CRTC3: variants seen among roughly 807,000 people sequenced by gnomAD.
CRTC3 encodes the protein CREB regulated transcription coactivator 3.
In CRTC3, 26 loss-of-function variants were observed where a neutral mutation model predicts 74.5. The ratio of observed to expected loss-of-function variants is 0.35; its 90% CI spans 0.26 to 0.48. CRTC3 has a LOEUF of 0.48. Among genes scored for constraint, CRTC3 ranks in the 20% least tolerant of loss-of-function variants. The probability of loss-of-function intolerance (pLI) is 0.99; values close to 1 mark genes in which losing one functional copy is unlikely to be tolerated. For synonymous variants in CRTC3, 377 were observed against 325.8 expected (o/e 1.16, Z -1.69); for missense variants, 760 against 787.3 (o/e 0.97, Z 0.41).
chr15:90,588,856 ATCCC>A (rs1241469266), intron 2 of CRTC3, among the ~76,000 whole-genome samples: 5 of 152,180 alleles, frequency 3.3e-5, no homozygotes, highest in African/African-American at 1.2e-4. Flanking sequence ...ATGTCCGGGT[ATCCC>A]TGGGACAAGC....
At chr15:90,595,789 G>T (rs1967909431) in intron 3 of CRTC3, 1 of 152,192 alleles carries the variant, frequency 6.6e-6, no homozygotes. Context: ...AGAGGAGAAT[G>T]TTTATTCACT....
intron 3 of CRTC3, chr15:90,594,717 T>A (rs2151078393): frequency 6.6e-6 from 1 of 151,266 alleles, no homozygotes; most frequent in Non-Finnish European, 1.5e-5. Context: ...ACTGAGTCGT[T>A]AATTTTTTTA....
At chr15:90,551,795 G>GT (rs1257624283) in intron 2 of CRTC3, among the ~76,000 whole-genome samples, 2 of 152,260 alleles carry the variant, frequency 1.3e-5, no homozygotes, top group African/African-American at 4.8e-5. Context: ...ACTGCTCTGA[G>GT]TACAAGCATT....
At position 90,642,001 on chromosome 15, in the gene CRTC3, A is replaced by T. The variant is rs1969463962; in HGVS notation, c.1721A>T (p.Asn574Ile). The T allele has an allele frequency of 2.0e-5, 32 of 1,613,780 alleles. No individual in the cohort carries two copies. Among genetic ancestry groups the T allele is most frequent in the Non-Finnish European group, 2.6e-5 (31 of 1,180,014 alleles). ...GCAGGCCTGCCTGAGGTCAGCCTGA[A>T]CGTGGACACTCCATTTCCACTGGAA... ...ALAGLPEVSL[N>I]VDTPFPLEEE... Residue 574 changes from asparagine (N) to isoleucine (I), a missense_variant, in exon 15 of 15, where the codon AAC becomes ATC. Physicochemically the swap from Asn to Ile is moderately radical, Grantham distance 149. This residue lies in a region of CRTC3 where 652 missense variants were observed against 635.2 expected (regional missense o/e 1.03). Coordinates refer to ENST00000268184, the MANE Select transcript of CRTC3 (RefSeq NM_022769.5).
intron 1 of CRTC3, chr15:90,539,690 G>A: frequency 3.7e-6 from 1 of 268,988 alleles, no homozygotes; most frequent in Non-Finnish European, 7.1e-6. Context: ...AGGGAAAACA[G>A]CTAATGTGTT....
In CRTC3 at chr15:90,556,958, CTATATATATATA is replaced by C. The variant is rs6145675; in HGVS notation, c.231+16851_231+16862del. Among the ~76,000 whole-genome samples the C allele has an allele frequency of 5.7e-3, 743 of 130,524 alleles. 15 individuals carry two copies. The highest frequency in any genetic ancestry group is 0.02 in the African/African-American group (662 of 32,368). 85.6% of individuals were successfully genotyped at this position (130,524 alleles called of 152,430 possible). On this transcript the variant is annotated intron_variant, in intron 2 of 14. Coordinates refer to ENST00000268184, the MANE Select transcript of CRTC3 (RefSeq NM_022769.5). ...TATTCTCTTTATAATCACCACATGG[CTATATATATATA>C]TATATATATATATATATATATATAT...
intron 4 of CRTC3, 142 bp downstream of exon 4, chr15:90,602,527 G>A (rs1267186012): frequency 1.7e-6 from 1 of 603,428 alleles, no homozygotes; most frequent in African/African-American, 1.9e-5. Context: ...AATTTCAGTG[G>A]GAGGATCACT....
intron 11 of CRTC3, among the ~76,000 whole-genome samples, chr15:90,632,349 T>C (rs1969069917): frequency 6.6e-6 from 1 of 152,122 alleles, no homozygotes; most frequent in African/African-American, 2.4e-5. Context: ...TAATCCCAGC[T>C]ACTCAGGAGG....
intron 6 of CRTC3, among the ~76,000 whole-genome samples, chr15:90,612,269 C>T (rs970162245): frequency 2.0e-5 from 3 of 152,008 alleles, no homozygotes; most frequent in Admixed American, 6.6e-5. Context: ...ATAGCATCTA[C>T]GTCGCAGAGT....
chr15:90,540,283 C>T (rs1966782131), intron 2 of CRTC3, 146 bp downstream of exon 2: 2 of 600,948 alleles, frequency 3.3e-6, no homozygotes, highest in Non-Finnish European at 5.7e-6. Context: ...TATTCTCTCT[C>T]ATAGTTTCTA....
At chr15:90,533,457 G>A (rs1966667590) in intron 1 of CRTC3, among the ~76,000 whole-genome samples, 3 of 151,932 alleles carry the variant, frequency 2.0e-5, no homozygotes, top group African/African-American at 7.3e-5. Context: ...GTGGTTGCAG[G>A]TATGCCTGGG....
At chr15:90,541,782 CTTTTTTTCTTT>C (rs1481623411) in intron 2 of CRTC3, among the ~76,000 whole-genome samples, 1 of 120,100 alleles carries the variant, frequency 8.3e-6, no homozygotes, top group Non-Finnish European at 1.7e-5. Context: ...TCCCAGGATT[CTTTTTTTCTTT>C]TTTTTTTTTT....
chr15:90,599,386 T>C (rs1482558868), intron 3 of CRTC3: 1 of 152,252 alleles, frequency 6.6e-6, no homozygotes, highest in Non-Finnish European at 1.5e-5. Context: ...GAGTAAATGG[T>C]AAATTCAAGT....
chr15:90,539,797 T>C, intron 1 of CRTC3: 1 of 461,922 alleles, frequency 2.2e-6, no homozygotes, highest in Non-Finnish European at 3.8e-6. Flanking sequence ...TCAAAGACCT[T>C]GCAAGAGGAC....
intron 5 of CRTC3, among the ~76,000 whole-genome samples, chr15:90,605,389 C>A (rs1435161969): frequency 6.6e-6 from 1 of 152,218 alleles, no homozygotes; most frequent in Non-Finnish European, 1.5e-5. Context: ...CTACCTCCCA[C>A]CTCAGTCCCG....
chr15:90,553,131 TATC>T (rs1460607538), intron 2 of CRTC3, among the ~76,000 whole-genome samples: 7 of 152,238 alleles, frequency 4.6e-5, no homozygotes, highest in Admixed American at 1.3e-4. Flanking sequence ...TGATTACTAA[TATC>T]ATCTATTTTA....
rs1358051649 is a variant in CRTC3 at position 90,642,939 on chromosome 15, C to CCTCCAGACAAA, written c.*810_*820dup. Reference sequence around the variant, plus strand: ...ACTGCAGGTGTCTCATACTCAGTGGCCTCCAGACAAACTCCAGACAAGCAC... The same window carrying CCTCCAGACAAA: ...ACTGCAGGTGTCTCATACTCAGTGGCCTCCAGACAAACTCCAGACAAACTCCAGACAAGCAC... On this transcript the variant is annotated 3_prime_UTR_variant, in exon 15 of 15. Transcript: ENST00000268184. The CCTCCAGACAAA allele has an allele frequency of 2.6e-5, 6 of 232,884 alleles. No homozygotes were observed. Among genetic ancestry groups the CCTCCAGACAAA allele is most frequent in the African/African-American group, 1.3e-4 (6 of 45,288 alleles). 14.4% of individuals were successfully genotyped at this position (232,884 alleles called of 1,614,324 possible). A position where few individuals can be genotyped will look rare whatever the true frequency, so the allele number is the denominator to read the frequency against.
chr15:90,627,626 T>C (rs1266196467), intron 10 of CRTC3, among the ~76,000 whole-genome samples: 3 of 151,788 alleles, frequency 2.0e-5, no homozygotes, highest in Non-Finnish European at 4.4e-5. Flanking sequence ...ATTTTCTTTT[T>C]TTTTTTTCTT....
At chr15:90,594,977 T>C (rs1236464681) in intron 3 of CRTC3, 2 of 152,190 alleles carry the variant, frequency 1.3e-5, no homozygotes, top group East Asian at 3.9e-4. Context: ...CCAGGGAATG[T>C]TTTTCTCTCC....
Sources: gnomAD v4.1 joint callset for allele counts (sites outside exome capture counted in the v4.1 genomes callset) on GRCh38, gnomAD v4.1.1 for gene constraint, gnomAD v4.1.1 regional missense constraint, MANE v1.5 for transcripts, NCBI Gene and HGNC (gene_info 2026-07-23, HGNC 2026-07-21) for gene names.